The following ITGB6 variants were observed in gnomAD, a reference collection of about 807,000 sequenced individuals.
ITGB6 encodes the protein integrin subunit beta 6.
Under a neutral mutation model 84.5 loss-of-function variants are expected in ITGB6, and 80 were observed. That is an observed-to-expected ratio of 0.95 (90% CI 0.79 to 1.14). ITGB6 has a LOEUF of 1.14. ITGB6 is among the 50% of genes most tolerant of loss of function. The pLI, the probability that ITGB6 is intolerant of heterozygous loss-of-function variation, is 0.00. For missense variants in ITGB6, 1,006 were observed against 968.0 expected (o/e 1.04, Z -0.52); for synonymous variants, 383 against 354.9 (o/e 1.08, Z -0.89).
intron 13 of ITGB6, among the ~76,000 whole-genome samples, chr2:160,108,895 A>G (rs1028469901): frequency 1.3e-5 from 2 of 152,206 alleles, no homozygotes; most frequent in Non-Finnish European, 2.9e-5. Flanking sequence ...GAGATGATAC[A>G]TTTCTTAATG....
intron 7 of ITGB6, among the ~76,000 whole-genome samples, chr2:160,148,153 A>G (rs1314004813): frequency 6.6e-6 from 1 of 152,234 alleles, no homozygotes; most frequent in African/African-American, 2.4e-5. Context: ...AAAGACCCTA[A>G]CAGACATATT....
chr2:160,158,449 A>G (rs539369242), intron 7 of ITGB6, among the ~76,000 whole-genome samples: 15 of 152,300 alleles, frequency 9.8e-5, no homozygotes, highest in Admixed American at 5.2e-4. Context: ...AGACTTAGAG[A>G]ACAAAGAGGC....
At chr2:160,108,101 G>A (rs901448094) in intron 13 of ITGB6, among the ~76,000 whole-genome samples, 4 of 152,142 alleles carry the variant, frequency 2.6e-5, no homozygotes, top group African/African-American at 9.7e-5. Flanking sequence ...GACTCTAAAA[G>A]AGAATCCAAA....
intron 6 of ITGB6, among the ~76,000 whole-genome samples, chr2:160,172,101 T>A (rs1400809859): frequency 6.6e-6 from 1 of 152,196 alleles, no homozygotes; most frequent in Non-Finnish European, 1.5e-5. Context: ...TAGCATTTTA[T>A]AAATGACAAA....
intron 12 of ITGB6, among the ~76,000 whole-genome samples, chr2:160,118,471 A>C (rs1364188510): frequency 6.6e-6 from 1 of 152,214 alleles, no homozygotes; most frequent in Non-Finnish European, 1.5e-5. Context: ...ACAGTGCTTC[A>C]TGCTAAAAAC....
intron 12 of ITGB6, among the ~76,000 whole-genome samples, chr2:160,115,155 T>A (rs573957182): frequency 6.6e-6 from 1 of 152,332 alleles, no homozygotes; most frequent in East Asian, 1.9e-4. Flanking sequence ...GTAGTGGTTC[T>A]CCCAGCACAC....
At chr2:160,107,975 CTTAAATT>C in intron 13 of ITGB6, 130 bp from the exon 14 acceptor site, 1 of 734,134 alleles carries the variant, frequency 1.4e-6, no homozygotes, top group South Asian at 2.3e-5. Flanking sequence ...TTTCGCCTTG[CTTAAATT>C]TTAAAAATGA....
In ITGB6 at chr2:160,100,735, A is replaced by C. The variant is rs1421732250; in HGVS notation, c.*1001T>G. On this transcript the variant is annotated 3_prime_UTR_variant, in exon 15 of 15. Coordinates refer to ENST00000283249, the MANE Select transcript of ITGB6 (RefSeq NM_000888.5). The stretch of plus-strand genomic sequence containing the variant: ...GAAATGTGCAAGTTGGGTTACATAG[A>C]TGGGAAAAGAGTATGTATTAAAAAG... 2.0e-5 allele frequency: 3 copies of C among 152,238 alleles called. No homozygotes were observed. Among genetic ancestry groups the C allele is most frequent in the African/African-American group, 7.2e-5 (3 of 41,466 alleles). The allele number at this position is 152,238 out of a possible 1,614,324, so 9.4% of individuals were successfully genotyped here. A position where few individuals can be genotyped will look rare whatever the true frequency, so the allele number is the denominator to read the frequency against.
intron 2 of ITGB6, 97 bp downstream of exon 2, chr2:160,199,082 C>T (rs1686451604): frequency 2.0e-6 from 2 of 1,006,166 alleles, no homozygotes; most frequent in Non-Finnish European, 1.6e-6. Flanking sequence ...TACAACTCCA[C>T]AAAAAAGCAA....
chr2:160,190,912 A>T (rs1489188612), intron 4 of ITGB6, among the ~76,000 whole-genome samples: 1 of 152,198 alleles, frequency 6.6e-6, no homozygotes, highest in Admixed American at 6.6e-5. Context: ...GACATGAGGA[A>T]TGATTTTAAA....
chr2:160,157,092 C>A (rs932120687), intron 7 of ITGB6, among the ~76,000 whole-genome samples: 1 of 152,186 alleles, frequency 6.6e-6, no homozygotes, highest in Admixed American at 6.5e-5. Context: ...GCTCTCCAGT[C>A]TCTGCGTCCA....
intron 8 of ITGB6, among the ~76,000 whole-genome samples, chr2:160,140,899 AT>A (rs112287247): frequency 4.6e-5 from 7 of 152,044 alleles, no homozygotes; most frequent in East Asian, 1.9e-4. Context: ...TTATTGGGGA[AT>A]TTTTTTTCTT....
In ITGB6 at chr2:160,137,535, C is replaced by T; in HGVS notation, c.1559G>A (p.Gly520Glu). Residue 520 changes from glycine (G) to glutamate (E), a missense_variant, in exon 10 of 15, where the codon GGG becomes GAG. Physicochemically the swap from Gly to Glu is moderately conservative, Grantham distance 98. Coordinates refer to ENST00000283249, the MANE Select transcript of ITGB6 (RefSeq NM_000888.5). ...GGGAGACAAGTGGCAGATACACTGCCCACAGTAGCAGTCACCCCTTCCGCT... is the reference window on the plus strand; with the variant it reads ...GGGAGACAAGTGGCAGATACACTGCTCACAGTAGCAGTCACCCCTTCCGCT... ...SCSGRGDCYC[G>E]QCICHLSPYG... is the part of the protein sequence containing the mutation. 2 of 1,614,176 alleles carry T rather than the reference C, an allele frequency of 1.2e-6. No individual in the cohort carries two copies. Among genetic ancestry groups the T allele is most frequent in the Non-Finnish European group, 1.7e-6 (2 of 1,179,998 alleles).
At position 160,100,189 on chromosome 2, in the gene ITGB6, A is replaced by C. The variant is rs1001621841; in HGVS notation, c.*1547T>G. 1.3e-5 allele frequency: 2 copies of C among 152,216 alleles called. No individual in the cohort carries two copies. The highest frequency in any genetic ancestry group is 2.9e-5 in the Non-Finnish European group (2 of 68,040). 9.4% of individuals were successfully genotyped at this position (152,216 alleles called of 1,614,324 possible). ...AAAGGTATATGGATCTATCTTGTAG[A>C]ATTGAAGAAACTTATAGATTTTGCT... is the stretch of plus-strand genomic sequence containing the variant. On this transcript the variant is annotated 3_prime_UTR_variant, in exon 15 of 15. Transcript: ENST00000283249.
rs142920048 is a variant in ITGB6, at chr2:160,194,243, A to G, written c.593+1126T>C. The stretch of plus-strand genomic sequence containing the variant: ...ATACTTGCAACCAAACAAAATTTCT[A>G]AGTGTTACAATCATTGATAAATTTC... On this transcript the variant is annotated intron_variant, in intron 4 of 14. Transcript: ENST00000283249. Among the ~76,000 whole-genome samples the G allele has an allele frequency of 1.2e-4, 18 of 152,256 alleles. No homozygotes were observed. The East Asian group carries it at 3.5e-3, about 29-fold the overall frequency.
intron 7 of ITGB6, among the ~76,000 whole-genome samples, chr2:160,166,863 A>G (rs1034966840): frequency 1.3e-5 from 2 of 152,234 alleles, no homozygotes; most frequent in Non-Finnish European, 2.9e-5. Flanking sequence ...AACAATGTAC[A>G]GGCACACTAC....
intron 7 of ITGB6, among the ~76,000 whole-genome samples, chr2:160,151,439 C>T (rs4426487): frequency 0.96 from 146,617 of 152,208 alleles, 70,802 homozygotes; most frequent in East Asian, 1. Context: ...GGGACACATT[C>T]AAAGCAGTGT....
chr2:160,113,730 T>A (rs2105782416), intron 12 of ITGB6, among the ~76,000 whole-genome samples: 1 of 152,332 alleles, frequency 6.6e-6, no homozygotes, highest in East Asian at 1.9e-4. Context: ...TAAGTATTTT[T>A]AAAAAGGAGA....
chr2:160,114,670 C>T lies in ITGB6; in HGVS notation c.1982-2471G>A, dbSNP rs566666025. Among the ~76,000 whole-genome samples the T allele has an allele frequency of 1.7e-3, 253 of 152,204 alleles. 2 individuals are homozygous for T. The highest frequency in any genetic ancestry group is 5.6e-3 in the African/African-American group (231 of 41,540). On this transcript the variant is annotated intron_variant, in intron 12 of 14. Transcript: ENST00000283249. The stretch of plus-strand genomic sequence containing the variant: ...GACAGTGGGTGCAGGTCAGTGGGTG[C>T]GCGCACCGTGCGCGAGCCAAAGCAG...
Sources: gnomAD v4.1 joint callset for allele counts (sites outside exome capture counted in the v4.1 genomes callset) on GRCh38, gnomAD v4.1.1 for gene constraint, MANE v1.5 for transcripts, NCBI Gene and HGNC (gene_info 2026-07-23, HGNC 2026-07-21) for gene names.